Variants in TNKS observed in about 807,000 individuals in gnomAD.
TNKS encodes poly [ADP-ribose] polymerase tankyrase-1.
A neutral mutation model predicts 135.8 loss-of-function variants in TNKS; 72 were observed. That is an observed-to-expected ratio of 0.53 (90% confidence interval 0.44 to 0.64). TNKS has a LOEUF of 0.64. Among genes scored for constraint, TNKS ranks in the 30% least tolerant of loss-of-function variants. The pLI, the probability that TNKS is intolerant of heterozygous loss-of-function variation, is 0.00. For synonymous variants in TNKS, 849 were observed against 649.3 expected, an observed-to-expected ratio of 1.31 and a Z score of -4.68; for missense variants, 1,769 against 1,674.0, an observed-to-expected ratio of 1.06 and a Z score of -0.99.
intron 14 of TNKS, among the ~76,000 whole-genome samples, chr8:9,732,887 T>G (rs201388952): frequency 6.6e-6 from 1 of 150,496 alleles, no homozygotes; most frequent in Non-Finnish European, 1.5e-5. Context: ...ATCACCACTA[T>G]GATTAAACCA....
At chr8:9,735,828 A>C (rs1805674338) in intron 17 of TNKS, among the ~76,000 whole-genome samples, 1 of 151,958 alleles carries the variant, frequency 6.6e-6, no homozygotes, top group African/African-American at 2.4e-5. Context: ...AATAAAATAA[A>C]ATCTAGAAAA....
chr8:9,669,184 C>T (rs1043943370), intron 3 of TNKS, among the ~76,000 whole-genome samples: 2 of 149,974 alleles, frequency 1.3e-5, no homozygotes, highest in Admixed American at 6.6e-5. Flanking sequence ...TTTGGGAGGC[C>T]GAGGCGGGTG....
At position 9,764,302 on chromosome 8, in the gene TNKS, G is replaced by C. The variant is rs568035769; in HGVS notation, c.3373-414G>C. ...TAGAGATCCCAAGCTGAAGACTATT[G>C]AGATAATATGGAATATTTCACCTAC... On this transcript the variant is annotated intron_variant, in intron 22 of 26. Transcript: ENST00000310430. 7.2e-5 allele frequency among the ~76,000 whole-genome samples: 11 copies of C among 152,056 alleles called. No homozygotes were observed. The South Asian group carries it at 2.1e-3, about 29-fold the overall frequency.
At chr8:9,653,974 T>C (rs1484875836) in intron 3 of TNKS, among the ~76,000 whole-genome samples, 1 of 152,202 alleles carries the variant, frequency 6.6e-6, no homozygotes, top group African/African-American at 2.4e-5. Flanking sequence ...CCTTAGGCTC[T>C]TCATGGTTTG....
intron 2 of TNKS, among the ~76,000 whole-genome samples, chr8:9,611,483 T>C (rs543812138): frequency 6.6e-6 from 1 of 152,362 alleles, no homozygotes; most frequent in East Asian, 1.9e-4. Context: ...TGTTTTATAT[T>C]AGTGTGCTAT....
chr8:9,570,166 G>C (rs1245447860), intron 1 of TNKS, among the ~76,000 whole-genome samples: 1 of 152,110 alleles, frequency 6.6e-6, no homozygotes, highest in Non-Finnish European at 1.5e-5. Context: ...TATAGGCCAG[G>C]TGTGATGGTT....
intron 1 of TNKS, chr8:9,575,105 GAC>G: frequency 1.0e-6 from 1 of 980,852 alleles, no homozygotes; most frequent in Non-Finnish European, 1.2e-6. Flanking sequence ...ATTTTCTTTT[GAC>G]ACGGAGTCTC....
At chr8:9,580,491 CTTG>C in intron 2 of TNKS, 108 bp downstream of exon 2, 1 of 932,008 alleles carries the variant, frequency 1.1e-6, no homozygotes, top group Non-Finnish European at 1.6e-6. Context: ...TTTATTGCTT[CTTG>C]TAGAAGCAGT....
chr8:9,720,280 G>A (rs1363543496), intron 11 of TNKS, 94 bp from the exon 12 acceptor site: 2 of 1,145,502 alleles, frequency 1.7e-6, no homozygotes, highest in African/African-American at 4.1e-5. Flanking sequence ...AGCTTTGAAA[G>A]TTGATTTTTT....
At chr8:9,717,103 T>TATATATTTA (rs1554476739) in intron 11 of TNKS, among the ~76,000 whole-genome samples, 21 of 39,306 alleles carry the variant, frequency 5.3e-4, no homozygotes, top group Non-Finnish European at 1.2e-3. Context: ...ATATATATAT[T>TATATATTTA]TTCAGGGAAT....
At chr8:9,719,855 A>G (rs1481040219) in intron 11 of TNKS, among the ~76,000 whole-genome samples, 1 of 152,126 alleles carries the variant, frequency 6.6e-6, no homozygotes, top group Non-Finnish European at 1.5e-5. Flanking sequence ...GAATCCTCAA[A>G]TCTTTTTTTT....
chr8:9,780,816 A>T lies in TNKS; in HGVS notation c.*4080A>T, dbSNP rs955810812. ...TATATTTCATAAGTAATATTCCCTT[A>T]CATGCAATGGAGCTGATTAAAATTA... On this transcript the variant is annotated 3_prime_UTR_variant, in exon 27 of 27. Transcript: ENST00000310430. 1 of 152,210 alleles carries T rather than the reference A, an allele frequency of 6.6e-6. No homozygotes were observed. The highest frequency in any genetic ancestry group is 1.5e-5 in the Non-Finnish European group (1 of 68,042). The allele number at this position is 152,210 out of a possible 1,614,324, so 9.4% of individuals were successfully genotyped here. A position where few individuals can be genotyped will look rare whatever the true frequency, so the allele number is the denominator to read the frequency against.
intron 21 of TNKS, among the ~76,000 whole-genome samples, chr8:9,762,332 T>G (rs1279271846): frequency 2.0e-5 from 3 of 152,154 alleles, no homozygotes; most frequent in Non-Finnish European, 4.4e-5. Context: ...ACTGGAAGAT[T>G]TTGTGCTTGA....
intron 23 of TNKS, among the ~76,000 whole-genome samples, chr8:9,765,347 C>G (rs904521815): frequency 2.0e-5 from 3 of 151,590 alleles, no homozygotes; most frequent in Admixed American, 6.6e-5. Flanking sequence ...ACCCAGGGAA[C>G]TTTTTTAAAA....
At chr8:9,752,889 C>T (rs1043007933) in intron 20 of TNKS, among the ~76,000 whole-genome samples, 1 of 150,642 alleles carries the variant, frequency 6.6e-6, no homozygotes, top group Non-Finnish European at 1.5e-5. Context: ...CATGTGAGCC[C>T]AGGAGTTTGA....
chr8:9,733,523 G>T, intron 15 of TNKS, 79 bp downstream of exon 15: 1 of 1,255,336 alleles, frequency 8.0e-7, no homozygotes, highest in South Asian at 1.4e-5. Context: ...GTTGGGGTAT[G>T]TTATTCTATT....
intron 3 of TNKS, among the ~76,000 whole-genome samples, chr8:9,625,963 G>C (rs1017240124): frequency 5.9e-5 from 9 of 152,056 alleles, no homozygotes; most frequent in African/African-American, 1.9e-4. Flanking sequence ...TATCCTTGCT[G>C]ATTTTCTGTC....
intron 3 of TNKS, among the ~76,000 whole-genome samples, chr8:9,621,374 G>T (rs1799859970): frequency 6.7e-6 from 1 of 149,730 alleles, no homozygotes; most frequent in African/African-American, 2.5e-5. Flanking sequence ...GTGCAGTCTC[G>T]GCTCACTGCA....
rs191456198 is a variant in TNKS at position 9,609,765 on chromosome 8, A to C, written c.899-5817A>C. Among the ~76,000 whole-genome samples the C allele has an allele frequency of 1.6e-3, 241 of 152,362 alleles. 1 individual carries two copies. The highest frequency in any genetic ancestry group is 5.7e-3 in the African/African-American group (236 of 41,580). ...GATTTAAATAAGCTACTCTGCCGTTACTGAAAACAGAAAATTGTGCCATTT... is the reference window on the plus strand; with the variant it reads ...GATTTAAATAAGCTACTCTGCCGTTCCTGAAAACAGAAAATTGTGCCATTT... On this transcript the variant is annotated intron_variant, in intron 2 of 26. Transcript: ENST00000310430.
Sources: gnomAD v4.1 joint callset for allele counts (sites outside exome capture counted in the v4.1 genomes callset) on GRCh38, gnomAD v4.1.1 for gene constraint, MANE v1.5 for transcripts, NCBI Gene and HGNC (gene_info 2026-07-23, HGNC 2026-07-21) for gene names.